Variants in FREM3 observed in about 807,000 individuals in gnomAD.
FREM3 encodes the protein FRAS1-related extracellular matrix protein 3.
FREM3 carries 105 observed loss-of-function variants against 129.1 expected under a neutral mutation model. That is an observed-to-expected ratio of 0.81 (90% CI 0.69 to 0.96). The LOEUF is 0.96. Ranked by LOEUF, FREM3 falls within the 40% of genes least tolerant of loss-of-function variation. The pLI is 0.00. For missense variants in FREM3, 2,593 were observed against 2,666.3 expected (o/e 0.97, Z 0.61); for synonymous variants, 1,014 against 1,044.9 (o/e 0.97, Z 0.57).
intron 2 of FREM3, among the ~76,000 whole-genome samples, chr4:143,641,306 T>A (rs1482631353): frequency 3.2e-5 from 4 of 125,704 alleles, no homozygotes; most frequent in Non-Finnish European, 7.0e-5. Flanking sequence ...AAGGTCTACA[T>A]GAAAAAAAGG....
intron 2 of FREM3, among the ~76,000 whole-genome samples, chr4:143,668,191 G>A (rs1356080456): frequency 6.6e-6 from 1 of 152,136 alleles, no homozygotes. Flanking sequence ...AGTGACTCAA[G>A]AACCGATGAA....
intron 2 of FREM3, among the ~76,000 whole-genome samples, chr4:143,688,496 T>C (rs1740406691): frequency 6.6e-6 from 1 of 152,010 alleles, no homozygotes; most frequent in East Asian, 1.9e-4. Context: ...AATACCACCA[T>C]AATTATTCAC....
At chr4:143,600,060 T>G (rs148015450) in intron 6 of FREM3, among the ~76,000 whole-genome samples, 35 of 152,316 alleles carry the variant, frequency 2.3e-4, no homozygotes, top group African/African-American at 8.4e-4. Context: ...GAATAGTCTG[T>G]GCCCTGGAGC....
chr4:143,629,610 C>G (rs1172969026), intron 2 of FREM3, among the ~76,000 whole-genome samples: 1 of 152,052 alleles, frequency 6.6e-6, no homozygotes, highest in Non-Finnish European at 1.5e-5. Flanking sequence ...TTTAATTATT[C>G]ATGTATGTAG....
In FREM3 at chr4:143,699,992, G is replaced by C. The variant is rs778543391; in HGVS notation, c.684C>G (p.Asp228Glu). ...CCCTGGGGAGAGGGGCCCCCACCGC[G>C]TCCACCAAGCGCCCGTACTTGGGCA... ...GPLPKYGRLV[D>E]AVGAPLPRGK... The change falls in exon 1 of 8, where the codon GAC becomes GAG. Residue 228 changes from aspartate (D) to glutamate (E), a missense_variant. Asp to Glu is a conservative substitution (Grantham distance 45). Around this residue, in one of 2 missense-constraint regions of FREM3, gnomAD observed 2,276 missense variants for 2,267.2 expected, o/e 1.00. Transcript: ENST00000329798. This position sits in a 1 kb window ranked among gnomAD's most constrained non-coding sequence, Gnocchi z 4.2. The C allele has an allele frequency of 6.7e-7, 1 of 1,501,130 alleles. No individual in the cohort carries two copies. Among genetic ancestry groups the C allele is most frequent in the Admixed American group, 2.1e-5 (1 of 47,700 alleles). 93.0% of individuals were successfully genotyped at this position (1,501,130 alleles called of 1,614,324 possible).
chr4:143,610,931 G>A (rs1013022207), intron 6 of FREM3, among the ~76,000 whole-genome samples: 4 of 152,084 alleles, frequency 2.6e-5, no homozygotes, highest in African/African-American at 9.7e-5. Context: ...TGATCCTTGT[G>A]CTGCTAAGAT....
At chr4:143,602,122 A>G (rs1307393485) in intron 6 of FREM3, among the ~76,000 whole-genome samples, 1 of 152,222 alleles carries the variant, frequency 6.6e-6, no homozygotes, top group Non-Finnish European at 1.5e-5. Context: ...TGCCTAAACT[A>G]GTAAACTATA....
intron 6 of FREM3, among the ~76,000 whole-genome samples, chr4:143,600,869 C>A (rs1451090446): frequency 6.6e-6 from 1 of 152,012 alleles, no homozygotes; most frequent in Non-Finnish European, 1.5e-5. Context: ...TGCCTGAGAA[C>A]TTTTTATCAG....
At chr4:143,590,241 C>T (rs1484454810) in intron 6 of FREM3, among the ~76,000 whole-genome samples, 1 of 152,154 alleles carries the variant, frequency 6.6e-6, no homozygotes, top group Non-Finnish European at 1.5e-5. Context: ...CCTTCTCCTG[C>T]CTGACTGCCC....
chr4:143,654,278 T>C (rs1445063913), intron 2 of FREM3, among the ~76,000 whole-genome samples: 1 of 152,090 alleles, frequency 6.6e-6, no homozygotes, highest in Non-Finnish European at 1.5e-5. Flanking sequence ...AATTTTTGTA[T>C]TTTTAGTAGG....
chr4:143,618,692 G>A (rs941090410), intron 5 of FREM3, among the ~76,000 whole-genome samples: 1 of 152,092 alleles, frequency 6.6e-6, no homozygotes, highest in African/African-American at 2.4e-5. Context: ...TCAGGAGTTC[G>A]AGACCAGCCT....
chr4:143,671,321 G>C (rs1015470305), intron 2 of FREM3, among the ~76,000 whole-genome samples: 1 of 151,922 alleles, frequency 6.6e-6, no homozygotes, highest in Admixed American at 6.6e-5. Flanking sequence ...GCTTTAACTC[G>C]TATACACAGC....
chr4:143,644,250 T>G (rs1739375679), intron 2 of FREM3, among the ~76,000 whole-genome samples: 1 of 152,128 alleles, frequency 6.6e-6, no homozygotes, highest in South Asian at 2.1e-4. Context: ...CGCTTTCTGT[T>G]TCTTTTATCT....
chr4:143,664,694 G>A (rs1479670903), intron 2 of FREM3, among the ~76,000 whole-genome samples: 1 of 152,160 alleles, frequency 6.6e-6, no homozygotes, highest in African/African-American at 2.4e-5. Flanking sequence ...CCCAGAGGTG[G>A]AGCCTACAGA....
intron 2 of FREM3, among the ~76,000 whole-genome samples, chr4:143,628,429 C>T (rs1739083301): frequency 6.6e-6 from 1 of 152,054 alleles, no homozygotes; most frequent in South Asian, 2.1e-4. Context: ...GTATTGGTAG[C>T]AAGAGAAGGT....
chr4:143,695,645 T>C lies in FREM3; in HGVS notation c.5031A>G (p.Gly1677=), dbSNP rs760657998. 6.5e-7 allele frequency: 1 copy of C among 1,537,276 alleles called. No homozygotes were observed. The highest frequency in any genetic ancestry group is 1.2e-5 in the South Asian group (1 of 84,062). Residue 1677 remains glycine, a synonymous_variant, in exon 1 of 8, where the codon GGA becomes GGG. Coordinates refer to ENST00000329798, the MANE Select transcript of FREM3 (RefSeq NM_001168235.2). ...GAPALKRLHT[G]HMGFLITSKS... is the part of the protein sequence containing the mutation. Reference sequence around the variant, plus strand: ...TGCTGGTAATCAGGAAGCCCATGTGTCCAGTGTGAAGGCGCTTCAAGGCTG... The same window carrying C: ...TGCTGGTAATCAGGAAGCCCATGTGCCCAGTGTGAAGGCGCTTCAAGGCTG...
intron 2 of FREM3, among the ~76,000 whole-genome samples, chr4:143,667,313 A>T (rs969538969): frequency 6.6e-6 from 1 of 152,198 alleles, no homozygotes; most frequent in African/African-American, 2.4e-5. Flanking sequence ...TAAGGAAAAA[A>T]TTGATTTGTC....
At chr4:143,617,448 C>T (rs1738872705) in intron 5 of FREM3, among the ~76,000 whole-genome samples, 1 of 152,186 alleles carries the variant, frequency 6.6e-6, no homozygotes, top group Admixed American at 6.5e-5. Flanking sequence ...AATAAATTCT[C>T]CTCTGCCCTG....
intron 2 of FREM3, among the ~76,000 whole-genome samples, chr4:143,656,168 C>T (rs1334672703): frequency 6.6e-6 from 1 of 152,098 alleles, no homozygotes; most frequent in Admixed American, 6.5e-5. Context: ...AACATGTTTT[C>T]AAAAGAAATC....
Sources: allele counts gnomAD v4.1 joint callset (sites outside exome capture counted in the v4.1 genomes callset), GRCh38; gene constraint gnomAD v4.1.1; regional missense constraint gnomAD v4.1.1; non-coding constraint Gnocchi (gnomAD v3.1); transcripts MANE v1.5; gene names NCBI Gene and HGNC (gene_info 2026-07-23, HGNC 2026-07-21).